HPS1: variants seen among roughly 807,000 people sequenced by gnomAD.
HPS1 encodes HPS1 biogenesis of lysosomal organelles complex 3 subunit 1.
HPS1 carries 59 observed loss-of-function variants against 90.6 expected under a neutral mutation model. That is an observed-to-expected ratio of 0.65 (90% confidence interval 0.53 to 0.81). HPS1 has a LOEUF of 0.81. Ranked by LOEUF, HPS1 falls within the 30% of genes least tolerant of loss-of-function variation. The probability of loss-of-function intolerance (pLI) is 0.00; values close to 1 mark genes in which losing one functional copy is unlikely to be tolerated. For missense variants in HPS1, 849 were observed against 896.7 expected (o/e 0.95, Z 0.68); for synonymous variants, 388 against 384.4 (o/e 1.01, Z -0.11).
chr10:98,426,439 C>T (rs958836015), intron 11 of HPS1, among the ~76,000 whole-genome samples: 1 of 152,256 alleles, frequency 6.6e-6, no homozygotes, highest in Non-Finnish European at 1.5e-5. Flanking sequence ...ATGGGCAAGG[C>T]TCCAGCCTTA....
chr10:98,423,544 G>T, intron 16 of HPS1, 59 bp downstream of exon 16: 1 of 1,500,206 alleles, frequency 6.7e-7, no homozygotes, highest in Non-Finnish European at 9.3e-7. Flanking sequence ...GGGAGCAGGT[G>T]TAGAGGCAGC....
chr10:98,428,349 G>A (rs10883094), intron 10 of HPS1, among the ~76,000 whole-genome samples: 41,916 of 152,158 alleles, frequency 0.28, 5,981 homozygotes, highest in South Asian at 0.4. Context: ...GCATCTCCGG[G>A]TACAGGCTCA....
chr10:98,443,158 A>T lies in HPS1; in HGVS notation c.83T>A (p.Leu28Gln), dbSNP rs374679558. The T allele has an allele frequency of 1.9e-6, 3 of 1,613,940 alleles. No individual in the cohort carries two copies. The highest frequency in any genetic ancestry group is 2.5e-6 in the Non-Finnish European group (3 of 1,179,908). The change falls in exon 3 of 20, where the codon CTG (leucine) becomes CAG (glutamine). Residue 28 changes from leucine to glutamine, a missense_variant. Transcript: ENST00000361490. ...TDQEFEESLR[L>Q]KFGQSENEEE... Reference sequence around the variant, plus strand: ...CTCATTCTCTGACTGCCCGAACTTCAGCCGGAGACTCTCTTCAAACTCCTG... The same window carrying T: ...CTCATTCTCTGACTGCCCGAACTTCTGCCGGAGACTCTCTTCAAACTCCTG...
intron 3 of HPS1, among the ~76,000 whole-genome samples, chr10:98,440,232 G>A (rs1938175439): frequency 6.6e-6 from 1 of 152,176 alleles, no homozygotes; most frequent in Non-Finnish European, 1.5e-5. Context: ...GAATTATAAA[G>A]TAGTACAATA....
intron 3 of HPS1, among the ~76,000 whole-genome samples, chr10:98,441,988 C>T (rs1938514235): frequency 6.6e-6 from 1 of 152,230 alleles, no homozygotes; most frequent in Non-Finnish European, 1.5e-5. Flanking sequence ...TGTCCTTGGA[C>T]ATGAAAGCAT....
rs374792528 is a variant in HPS1 at position 98,423,481 on chromosome 10, A to T, written c.1598+122T>A. On this transcript the variant is annotated intron_variant, in intron 16 of 19. Coordinates refer to ENST00000361490, the MANE Select transcript of HPS1 (RefSeq NM_000195.5). ...ATTTTCCTTCAGAGAGGTGGTGAGC[A>T]GCTGATGGGGTGGAACATATATCCC... 4.8e-4 allele frequency: 425 copies of T among 894,700 alleles called. 1 individual carries two copies. In the East Asian group the frequency reaches 7.0e-3, roughly 15 times the overall value. The allele number at this position is 894,700 out of a possible 1,614,324, so 55.4% of individuals were successfully genotyped here.
chr10:98,422,207 C>T (rs991242759), intron 17 of HPS1, among the ~76,000 whole-genome samples, 162 bp downstream of exon 17: 1 of 152,248 alleles, frequency 6.6e-6, no homozygotes, highest in Non-Finnish European at 1.5e-5. Context: ...GCTCATTCAA[C>T]AAATACTTGT....
chr10:98,424,277 C>T, intron 14 of HPS1, 36 bp downstream of exon 14: 1 of 1,547,628 alleles, frequency 6.5e-7, no homozygotes, highest in Non-Finnish European at 8.9e-7. Flanking sequence ...CCCCTGGGCA[C>T]ACGACCCACC....
rs78504928 is a variant in HPS1, at chr10:98,435,731, C to A, written c.159G>T (p.Pro53=). ...LEDQLSTLLA[P]VIISSMTMLE... is the part of the protein sequence containing the mutation. ...GCATCGTCATGGAGGAGATGATGACCGGGGCTAGGAGGGTGCTGAGCTGGT... is the reference window on the plus strand; with the variant it reads ...GCATCGTCATGGAGGAGATGATGACAGGGGCTAGGAGGGTGCTGAGCTGGT... Residue 53 remains proline, a synonymous_variant, in exon 4 of 20, where the codon CCG becomes CCT. Coordinates refer to ENST00000361490, the MANE Select transcript of HPS1 (RefSeq NM_000195.5). The surrounding 1 kb of genome is among the most constrained non-coding windows in gnomAD (Gnocchi z 4.3). 20 of 1,613,984 alleles carry A rather than the reference C, an allele frequency of 1.2e-5. No individual in the cohort carries two copies. The Admixed American group carries it at 3.2e-4, about 26-fold the overall frequency.
chr10:98,442,864 T>TA (rs1474451867), intron 3 of HPS1: 1 of 499,506 alleles, frequency 2.0e-6, no homozygotes, highest in African/African-American at 1.9e-5. Context: ...TGTTACGTGA[T>TA]AAAATTCGAC....
downstream of HPS1, among the ~76,000 whole-genome samples, chr10:98,415,719 C>T (rs543152857): frequency 2.0e-5 from 3 of 152,356 alleles, no homozygotes; most frequent in African/African-American, 7.2e-5. Flanking sequence ...ACCGCAGAGG[C>T]AGCTGTGTCT....
At position 98,417,944 on chromosome 10, in the gene HPS1, C is replaced by T. The variant is rs1051543427; in HGVS notation, c.1941-218G>A. On this transcript the variant is annotated intron_variant, in intron 19 of 19. Transcript: ENST00000361490. The surrounding 1 kb of genome is among the most constrained non-coding windows in gnomAD (Gnocchi z 4.2). ...GGGGATGTTCTGGGCCGGGCACAGA[C>T]GTTCCCCGTGCTGCCAAGACCATGC... 3.9e-5 allele frequency among the ~76,000 whole-genome samples: 6 copies of T among 152,146 alleles called. No homozygotes were observed. The highest frequency in any genetic ancestry group is 7.2e-5 in the African/African-American group (3 of 41,432).
intron 3 of HPS1, among the ~76,000 whole-genome samples, chr10:98,441,810 G>T (rs909918256): frequency 6.6e-6 from 1 of 152,176 alleles, no homozygotes; most frequent in Non-Finnish European, 1.5e-5. Flanking sequence ...TATTAGAATG[G>T]CTAAAATTAA....
chr10:98,425,944 A>G lies in HPS1; in HGVS notation c.1029T>C (p.Pro343=), dbSNP rs769243578. Residue 343 remains proline, a synonymous_variant, in exon 12 of 20, where the codon CCT becomes CCC. Coordinates refer to ENST00000361490, the MANE Select transcript of HPS1 (RefSeq NM_000195.5). Reference sequence around the variant, plus strand: ...AGATCCTTCTGGGGCCGGAAGGCACAGGGCAGTGGGGAACCAGTGTTTGGA... The same window carrying G: ...AGATCCTTCTGGGGCCGGAAGGCACGGGGCAGTGGGGAACCAGTGTTTGGA... ...DTLQTLVPHC[P]VPSGPRRIFL... is the part of the protein sequence containing the mutation. 9 of 1,614,134 alleles carry G rather than the reference A, an allele frequency of 5.6e-6. No individual in the cohort carries two copies. The East Asian group carries it at 1.6e-4, about 28-fold the overall frequency.
intron 10 of HPS1, among the ~76,000 whole-genome samples, chr10:98,427,654 T>C (rs1241131393): frequency 3.3e-5 from 5 of 149,622 alleles, no homozygotes; most frequent in Admixed American, 6.7e-5. Flanking sequence ...CCCTCAGGAG[T>C]CAGCACACAC....
intron 16 of HPS1, among the ~76,000 whole-genome samples, chr10:98,422,722 C>T (rs946759579): frequency 2.6e-5 from 4 of 152,172 alleles, no homozygotes; most frequent in African/African-American, 4.8e-5. Context: ...GCTGTAAGAT[C>T]CTCAACACTT....
At chr10:98,433,896 A>G in intron 6 of HPS1, 87 bp downstream of exon 6, 2 of 1,529,562 alleles carry the variant, frequency 1.3e-6, no homozygotes, top group South Asian at 2.4e-5. Flanking sequence ...GCCTTCATTC[A>G]TTAGGGTTAA....
chr10:98,415,198 C>A, downstream of HPS1: 1 of 1,575,720 alleles, frequency 6.3e-7, no homozygotes, highest in South Asian at 1.2e-5. Context: ...TTGTGCTGCC[C>A]TAGGCACGGG....
At chr10:98,437,803 G>A (rs936409591) in intron 3 of HPS1, among the ~76,000 whole-genome samples, 6 of 152,204 alleles carry the variant, frequency 3.9e-5, no homozygotes, top group African/African-American at 1.2e-4. Flanking sequence ...GTGAGGGGAT[G>A]ACATGGTTAA....
Sources: allele counts gnomAD v4.1 joint callset (sites outside exome capture counted in the v4.1 genomes callset), GRCh38; gene constraint gnomAD v4.1.1; non-coding constraint Gnocchi (gnomAD v3.1); transcripts MANE v1.5; gene names NCBI Gene and HGNC (gene_info 2026-07-23, HGNC 2026-07-21).